Variants in STK32B observed in about 807,000 individuals in gnomAD.
STK32B encodes the protein serine/threonine kinase 32B.
In STK32B, 43 loss-of-function variants were observed where a neutral mutation model predicts 52.6. The observed-to-expected ratio is 0.82, with a 90% confidence interval of 0.64 to 1.05. STK32B has a LOEUF of 1.05. Ranked by LOEUF, STK32B falls within the 50% of genes least tolerant of loss-of-function variation. STK32B has a pLI of 0.00. For synonymous variants in STK32B, 238 were observed against 204.3 expected (o/e 1.17, Z -1.41); for missense variants, 621 against 534.6 (o/e 1.16, Z -1.59).
At chr4:5,495,047 A>G (rs1027613128) in intron 11 of STK32B, among the ~76,000 whole-genome samples, 1 of 151,864 alleles carries the variant, frequency 6.6e-6, no homozygotes. Context: ...TCTGACAATT[A>G]TGTGTCTTGG....
chr4:5,462,440 C>G (rs1429754001), intron 9 of STK32B, among the ~76,000 whole-genome samples: 2 of 151,888 alleles, frequency 1.3e-5, no homozygotes, highest in Non-Finnish European at 2.9e-5. Flanking sequence ...TGCCTTGGGG[C>G]CGGCAGGGGC....
At position 5,102,829 on chromosome 4, in the gene STK32B, C is replaced by G. The variant is rs1713883636; in HGVS notation, c.53-37076C>G. ...AAGTGCTGGGATTACAGGCGTGAGT[C>G]ACCGCACTCGACCTCTCTCCTCCCC... is the stretch of plus-strand genomic sequence containing the variant. On this transcript the variant is annotated intron_variant, in intron 1 of 11. Transcript: ENST00000282908. Among the ~76,000 whole-genome samples the G allele has an allele frequency of 2.1e-5, 3 of 146,178 alleles. No homozygotes were observed. In the Admixed American group the frequency reaches 2.1e-4, roughly 10 times the overall value.
intron 6 of STK32B, among the ~76,000 whole-genome samples, chr4:5,431,025 T>C (rs190081128): frequency 4.3e-4 from 65 of 152,344 alleles, no homozygotes; most frequent in Non-Finnish European, 9.0e-4. Flanking sequence ...AGGTAGGCTC[T>C]GTGTCAATGG....
At chr4:5,313,145 A>G (rs1458155968) in intron 3 of STK32B, among the ~76,000 whole-genome samples, 1 of 151,148 alleles carries the variant, frequency 6.6e-6, no homozygotes, top group Non-Finnish European at 1.5e-5. Context: ...CCAACCTATT[A>G]TCAAGTAGAA....
At chr4:5,222,694 A>C (rs1723616785) in intron 3 of STK32B, among the ~76,000 whole-genome samples, 1 of 152,198 alleles carries the variant, frequency 6.6e-6, no homozygotes, top group African/African-American at 2.4e-5. Context: ...AGTGCTGATA[A>C]CTTCTCTTAA....
chr4:5,364,662 G>C (rs1054152524), intron 4 of STK32B, among the ~76,000 whole-genome samples: 2 of 152,158 alleles, frequency 1.3e-5, no homozygotes, highest in Admixed American at 1.3e-4. Flanking sequence ...CTGTGCCCCA[G>C]GGACAGCCCC....
intron 11 of STK32B, among the ~76,000 whole-genome samples, chr4:5,476,583 G>C (rs1400746082): frequency 6.6e-6 from 1 of 151,954 alleles, no homozygotes; most frequent in Non-Finnish European, 1.5e-5. Context: ...CTTAGACTCT[G>C]CCTGAGAACC....
chr4:5,156,434 C>G (rs534982038), intron 2 of STK32B, among the ~76,000 whole-genome samples: 1 of 152,308 alleles, frequency 6.6e-6, no homozygotes, highest in South Asian at 2.1e-4. Flanking sequence ...TTACTTCGCA[C>G]AGACACTCCT....
chr4:5,244,149 T>G (rs368891493), intron 3 of STK32B, among the ~76,000 whole-genome samples: 393 of 152,266 alleles, frequency 2.6e-3, no homozygotes, highest in Middle Eastern at 3.4e-3. Context: ...GTTTCAGAAG[T>G]AATGGTACCA....
intron 3 of STK32B, among the ~76,000 whole-genome samples, chr4:5,168,871 A>G (rs1168018985): frequency 6.6e-6 from 1 of 152,156 alleles, no homozygotes; most frequent in Non-Finnish European, 1.5e-5. Flanking sequence ...CGGACGTACC[A>G]AATTCGGAAT....
chr4:5,077,758 C>T (rs1262128777), intron 1 of STK32B, among the ~76,000 whole-genome samples: 1 of 152,114 alleles, frequency 6.6e-6, no homozygotes, highest in Non-Finnish European at 1.5e-5. Context: ...CTTATAACAT[C>T]AGGGAGTCTT....
intron 4 of STK32B, among the ~76,000 whole-genome samples, chr4:5,391,238 G>A (rs1736579789): frequency 6.6e-6 from 1 of 152,062 alleles, no homozygotes; most frequent in Non-Finnish European, 1.5e-5. Context: ...GGAATTACAG[G>A]TGTGAGCCAC....
intron 1 of STK32B, among the ~76,000 whole-genome samples, chr4:5,135,910 G>A (rs1450244882): frequency 6.6e-6 from 1 of 152,150 alleles, no homozygotes; most frequent in African/African-American, 2.4e-5. Context: ...GAAAAGTGGG[G>A]AACACAATTG....
rs552840598 is a variant in STK32B, at chr4:5,421,584, A to G, written c.562+4650A>G. 4.6e-5 allele frequency among the ~76,000 whole-genome samples: 7 copies of G among 152,298 alleles called. No individual in the cohort carries two copies. In the South Asian group the frequency reaches 1.5e-3, roughly 32 times the overall value. On this transcript the variant is annotated intron_variant, in intron 6 of 11. Coordinates refer to ENST00000282908, the MANE Select transcript of STK32B (RefSeq NM_018401.3). ...TCTGCCTGCATGTGGCACCATGCCT[A>G]ACAGACTCACTCGAGCCTCCTCAAA...
chr4:5,074,656 A>G (rs1711975183), intron 1 of STK32B, among the ~76,000 whole-genome samples: 1 of 152,158 alleles, frequency 6.6e-6, no homozygotes, highest in South Asian at 2.1e-4. Context: ...ATTAGCTAGC[A>G]TTATCATTTC....
In STK32B at chr4:5,439,965, C is replaced by G. The variant is rs570952749; in HGVS notation, c.563-6708C>G. 2.6e-5 allele frequency among the ~76,000 whole-genome samples: 4 copies of G among 152,236 alleles called. No individual in the cohort carries two copies. In the South Asian group the frequency reaches 8.3e-4, roughly 32 times the overall value. On this transcript the variant is annotated intron_variant, in intron 6 of 11. Transcript: ENST00000282908. ...TCTGTTGTGTTCCATTGATCTATAT[C>G]TCTGTTTTGGTACAAGTACCATGCT...
intron 3 of STK32B, among the ~76,000 whole-genome samples, chr4:5,189,319 G>C (rs772957710): frequency 6.6e-6 from 1 of 152,130 alleles, no homozygotes; most frequent in Non-Finnish European, 1.5e-5. Flanking sequence ...TTCATCCCTC[G>C]TTCCCCTCCA....
chr4:5,474,069 G>A (rs1022562246), intron 11 of STK32B, among the ~76,000 whole-genome samples: 1 of 152,002 alleles, frequency 6.6e-6, no homozygotes, highest in Non-Finnish European at 1.5e-5. Context: ...AGCCAAGACC[G>A]CGCCACTGCA....
intron 3 of STK32B, among the ~76,000 whole-genome samples, chr4:5,323,732 G>A (rs1731681595): frequency 6.6e-6 from 1 of 152,176 alleles, no homozygotes; most frequent in Non-Finnish European, 1.5e-5. Flanking sequence ...TCCGGAGTGT[G>A]TGGAATGCTC....
Sources: gnomAD v4.1 joint callset for allele counts (sites outside exome capture counted in the v4.1 genomes callset) on GRCh38, gnomAD v4.1.1 for gene constraint, MANE v1.5 for transcripts, NCBI Gene and HGNC (gene_info 2026-07-23, HGNC 2026-07-21) for gene names.